The following MTCH2 variants were observed in gnomAD, a reference collection of about 807,000 sequenced individuals.
MTCH2 encodes mitochondrial carrier homolog 2.
A neutral mutation model predicts 50.6 loss-of-function variants in MTCH2; 25 were observed. The ratio of observed to expected loss-of-function variants is 0.49; its 90% confidence interval spans 0.36 to 0.69. MTCH2 has a LOEUF of 0.69. Among genes scored for constraint, MTCH2 ranks in the 30% least tolerant of loss-of-function variants. MTCH2 has a pLI of 0.00. For synonymous variants in MTCH2, 106 were observed against 132.0 expected, an observed-to-expected ratio of 0.80 and a Z score of 1.35; for missense variants, 273 against 384.4, an observed-to-expected ratio of 0.71 and a Z score of 2.42.
downstream of MTCH2, among the ~76,000 whole-genome samples, chr11:47,612,539 G>A (rs2097286203): frequency 6.6e-6 from 1 of 152,020 alleles, no homozygotes; most frequent in Non-Finnish European, 1.5e-5. Flanking sequence ...ACTCCAGCCT[G>A]GGCAACAGGG....
In MTCH2 at chr11:47,634,733, T is replaced by C; in HGVS notation, c.308A>G (p.Glu103Gly). 6.5e-7 allele frequency: 1 copy of C among 1,539,500 alleles called. No homozygotes were observed. The change falls in exon 5 of 13, where the codon GAG becomes GGG. Residue 103 changes from glutamate to glycine, a missense_variant and splice_region_variant. Physicochemically the swap from Glu to Gly is moderately conservative, Grantham distance 98. This residue lies in a region of MTCH2 where 203 missense variants were observed against 244.3 expected (regional missense o/e 0.83). Coordinates refer to ENST00000302503, the MANE Select transcript of MTCH2 (RefSeq NM_014342.4). ...QHYQESDKGE[E>G]LGPGNVQKEV... The stretch of plus-strand genomic sequence containing the variant: ...TTTCTGTACATTTCCAGGTCCTAAC[T>C]CCTGGAAATCAAAATCAAAGAAAAT...
the MTCH2 span, among the ~76,000 whole-genome samples, chr11:47,605,084 C>T: frequency 6.6e-6 from 1 of 152,144 alleles, no homozygotes; most frequent in Admixed American, 6.5e-5. Context: ...GCGCCTGCCA[C>T]CACGCCTGGC....
At chr11:47,625,642 A>G in intron 11 of MTCH2, 32 bp downstream of exon 11, 3 of 1,219,436 alleles carry the variant, frequency 2.5e-6, no homozygotes, top group Non-Finnish European at 3.1e-6. Context: ...ACAGTCAACC[A>G]CCTACTAGAA....
At chr11:47,630,189 T>C (rs996780366) in intron 8 of MTCH2, among the ~76,000 whole-genome samples, 13 of 152,064 alleles carry the variant, frequency 8.5e-5, no homozygotes, top group African/African-American at 2.2e-4. Flanking sequence ...CCACCACACC[T>C]AGAGGTGGGG....
At chr11:47,612,528 C>T (rs1369891960), downstream of MTCH2, among the ~76,000 whole-genome samples, 5 of 151,534 alleles carry the variant, frequency 3.3e-5, no homozygotes, top group Non-Finnish European at 5.9e-5. Flanking sequence ...CGTGCCACTG[C>T]ACTCCAGCCT....
chr11:47,629,074 AC>A (rs1244481461), intron 8 of MTCH2, 28 bp from the exon 9 acceptor site: 6 of 1,573,766 alleles, frequency 3.8e-6, no homozygotes, highest in South Asian at 1.1e-5. Flanking sequence ...AAAAATAAGA[AC>A]CAAAAAATGT....
At chr11:47,614,058 G>C (rs185399316), downstream of MTCH2, among the ~76,000 whole-genome samples, 1,362 of 150,802 alleles carry the variant, frequency 9.0e-3, 7 homozygotes, top group Non-Finnish European at 0.014. Flanking sequence ...GCAAGACAGA[G>C]AGAGACCTTG....
At chr11:47,621,589 C>A (rs774447034) in intron 12 of MTCH2, among the ~76,000 whole-genome samples, 2 of 152,098 alleles carry the variant, frequency 1.3e-5, no homozygotes, top group Non-Finnish European at 2.9e-5. Flanking sequence ...CACGCTGCTA[C>A]GCCCAGCTAA....
At chr11:47,606,712 T>A in the MTCH2 span, among the ~76,000 whole-genome samples, 1 of 152,220 alleles carries the variant, frequency 6.6e-6, no homozygotes, top group African/African-American at 2.4e-5. Context: ...CACATGCCCT[T>A]CCTTCCAAAT....
At chr11:47,636,894 TA>T (rs2097309150) in intron 3 of MTCH2, among the ~76,000 whole-genome samples, 1 of 149,782 alleles carries the variant, frequency 6.7e-6, no homozygotes, top group South Asian at 2.1e-4. Context: ...TCTAAAAAAA[TA>T]ATAATAAATT....
chr11:47,641,672 C>T (rs1374961440), intron 1 of MTCH2, among the ~76,000 whole-genome samples: 1 of 152,188 alleles, frequency 6.6e-6, no homozygotes, highest in Admixed American at 6.5e-5. Context: ...TAGAAACTAA[C>T]TCCCATGTTT....
chr11:47,638,889 A>G (rs1393545411), intron 2 of MTCH2, 78 bp downstream of exon 2: 2 of 1,575,310 alleles, frequency 1.3e-6, no homozygotes, highest in Non-Finnish European at 1.7e-6. Flanking sequence ...AGCTTTCTAT[A>G]TATTTTCTTT....
Position 47,618,720 on chromosome 11 carries a change from C to T in MTCH2, c.*113G>A, listed in dbSNP as rs531001838. On this transcript the variant is annotated 3_prime_UTR_variant, in exon 13 of 13. Transcript: ENST00000302503. Reference sequence around the variant, plus strand: ...CAGACACCAAACACCTGAATTTTCCCAAGATTAAATGATTATTAAAAAAGC... The same window carrying T: ...CAGACACCAAACACCTGAATTTTCCTAAGATTAAATGATTATTAAAAAAGC... The T allele has an allele frequency of 1.1e-5, 12 of 1,123,486 alleles. No homozygotes were observed. The highest frequency in any genetic ancestry group is 6.1e-5 in the Admixed American group (3 of 49,570). 69.6% of individuals were successfully genotyped at this position (1,123,486 alleles called of 1,614,324 possible).
At chr11:47,628,164 C>T (rs190346626) in intron 9 of MTCH2, among the ~76,000 whole-genome samples, 2 of 152,150 alleles carry the variant, frequency 1.3e-5, no homozygotes, top group Admixed American at 1.3e-4. Context: ...ATGGAGCTGC[C>T]GACATACAAG....
chr11:47,623,262 C>G (rs868614492), intron 11 of MTCH2, among the ~76,000 whole-genome samples: 17 of 151,296 alleles, frequency 1.1e-4, no homozygotes, highest in Non-Finnish European at 2.2e-4. Flanking sequence ...ATCCCGGCTA[C>G]TTGGGAGGCT....
chr11:47,610,795 CA>C, the MTCH2 span, among the ~76,000 whole-genome samples: 1 of 151,962 alleles, frequency 6.6e-6, no homozygotes, highest in African/African-American at 2.4e-5. Flanking sequence ...CAAGGTCTCA[CA>C]GCTAGTGACA....
chr11:47,619,372 G>C (rs544463774), intron 12 of MTCH2, among the ~76,000 whole-genome samples: 2 of 152,132 alleles, frequency 1.3e-5, no homozygotes, highest in East Asian at 3.9e-4. Flanking sequence ...AAGTAGCTGG[G>C]AAAGGAACGC....
chr11:47,633,655 G>GC (rs998166222), intron 5 of MTCH2, among the ~76,000 whole-genome samples: 18 of 147,890 alleles, frequency 1.2e-4, no homozygotes, highest in Non-Finnish European at 2.2e-4. Context: ...TCCTGCCTCA[G>GC]CCCCCCAAGT....
intron 4 of MTCH2, 114 bp downstream of exon 4, chr11:47,635,431 C>G: frequency 8.3e-7 from 1 of 1,198,578 alleles, no homozygotes; most frequent in Non-Finnish European, 1.2e-6. Flanking sequence ...TAGGACAACA[C>G]TCACTGAGAT....
Sources: allele counts gnomAD v4.1 joint callset (sites outside exome capture counted in the v4.1 genomes callset), GRCh38; gene constraint gnomAD v4.1.1; regional missense constraint gnomAD v4.1.1; transcripts MANE v1.5; gene names NCBI Gene and HGNC (gene_info 2026-07-23, HGNC 2026-07-21).